CFAP144: variants seen among roughly 807,000 people sequenced by gnomAD.
CFAP144 encodes the protein cilia and flagella associated protein 144.
the CFAP144 span, among the ~76,000 whole-genome samples, chr1:43,153,296 T>C: frequency 6.6e-6 from 1 of 152,162 alleles, no homozygotes; most frequent in Non-Finnish European, 1.5e-5. Flanking sequence ...ATCTCTGAGT[T>C]CGGCTTCCTT....
the CFAP144 span, among the ~76,000 whole-genome samples, chr1:43,154,094 A>G: frequency 1.5e-5 from 2 of 132,370 alleles, no homozygotes; most frequent in Non-Finnish European, 3.1e-5. Context: ...ATATATATAT[A>G]TATATACTCT....
the CFAP144 span, among the ~76,000 whole-genome samples, chr1:43,145,965 G>A: frequency 6.6e-6 from 1 of 152,196 alleles, no homozygotes; most frequent in African/African-American, 2.4e-5. Context: ...CAGTAGCATA[G>A]CAGACCAGTG....
the CFAP144 span, chr1:43,145,198 A>G: frequency 6.9e-7 from 1 of 1,452,532 alleles, no homozygotes; most frequent in Non-Finnish European, 9.4e-7. Context: ...TGGCTTCTCC[A>G]CGGAACTTGG....
At chr1:43,143,965 A>G in the CFAP144 span, among the ~76,000 whole-genome samples, 2 of 152,224 alleles carry the variant, frequency 1.3e-5, no homozygotes, top group Non-Finnish European at 2.9e-5. Flanking sequence ...CACCGTCCTC[A>G]TGGTAAAATG....
At chr1:43,145,243 C>G in the CFAP144 span, 1 of 1,549,342 alleles carries the variant, frequency 6.5e-7, no homozygotes, top group Non-Finnish European at 8.7e-7. Flanking sequence ...GGGCCATTGA[C>G]AGAGAATGAA....
the CFAP144 span, among the ~76,000 whole-genome samples, chr1:43,152,494 G>A: frequency 0.012 from 1,837 of 152,240 alleles, 30 homozygotes; most frequent in African/African-American, 0.042. Context: ...TTCACAGTGT[G>A]TATCCCTGTC....
the CFAP144 span, among the ~76,000 whole-genome samples, chr1:43,156,025 T>C: frequency 1.2e-4 from 18 of 152,184 alleles, no homozygotes; most frequent in Non-Finnish European, 2.6e-4. Flanking sequence ...ACCACGACTG[T>C]GCGTAGGTTA....
At chr1:43,154,812 G>A in the CFAP144 span, among the ~76,000 whole-genome samples, 367 of 152,218 alleles carry the variant, frequency 2.4e-3, 1 homozygote, top group African/African-American at 8.1e-3. Context: ...TACAGCATGG[G>A]CAAGTGCGAC....
At chr1:43,151,273 A>G in the CFAP144 span, among the ~76,000 whole-genome samples, 1 of 152,176 alleles carries the variant, frequency 6.6e-6, no homozygotes, top group African/African-American at 2.4e-5. Context: ...AAGCAATACC[A>G]GTGCATAGAA....
At chr1:43,148,074 C>T in the CFAP144 span, 1 of 1,613,178 alleles carries the variant, frequency 6.2e-7, no homozygotes, top group Non-Finnish European at 8.5e-7. Flanking sequence ...ACGTGAATCC[C>T]CTCCGCAAGA....
the CFAP144 span, among the ~76,000 whole-genome samples, chr1:43,154,759 G>A: frequency 3.3e-5 from 5 of 152,158 alleles, no homozygotes; most frequent in Non-Finnish European, 7.4e-5. Context: ...CCACTATGAG[G>A]TTTTGCAGTG....
At chr1:43,156,271 C>A in the CFAP144 span, 3 of 1,613,912 alleles carry the variant, frequency 1.9e-6, no homozygotes, top group East Asian at 6.7e-5. Context: ...TCACTCTGTA[C>A]AAGGCTAAAA....
the CFAP144 span, among the ~76,000 whole-genome samples, chr1:43,154,781 G>A: frequency 6.6e-6 from 1 of 151,798 alleles, no homozygotes; most frequent in Non-Finnish European, 1.5e-5. Context: ...GGGAGGGAAA[G>A]AGCCTGGCCT....
the CFAP144 span, among the ~76,000 whole-genome samples, chr1:43,144,040 C>T: frequency 6.6e-6 from 1 of 152,208 alleles, no homozygotes; most frequent in Non-Finnish European, 1.5e-5. Context: ...GGGCTTTGAA[C>T]AGTGTTGTCA....
chr1:43,152,942 C>T, the CFAP144 span: 5 of 1,607,436 alleles, frequency 3.1e-6, no homozygotes, highest in Non-Finnish European at 4.3e-6. Context: ...GTAAGCGTGG[C>T]TCCTTCCTCA....
the CFAP144 span, among the ~76,000 whole-genome samples, chr1:43,153,268 T>C: frequency 6.6e-6 from 1 of 152,188 alleles, no homozygotes; most frequent in Non-Finnish European, 1.5e-5. Context: ...CAAGGTGGTC[T>C]TGGGTGTACC....
chr1:43,153,041 C>T, the CFAP144 span: 1 of 1,361,712 alleles, frequency 7.3e-7, no homozygotes, highest in Non-Finnish European at 1.0e-6. Context: ...ACCTGGCTAC[C>T]TCTTACCAGC....
At chr1:43,145,395 G>A in the CFAP144 span, 6 of 955,492 alleles carry the variant, frequency 6.3e-6, no homozygotes, top group Non-Finnish European at 9.9e-6. Context: ...GGGGACTTAG[G>A]TTTGTTTCCT....
the CFAP144 span, among the ~76,000 whole-genome samples, chr1:43,154,450 G>A: frequency 2.2e-5 from 3 of 138,060 alleles, no homozygotes; most frequent in East Asian, 2.1e-4. Flanking sequence ...ACATATATAC[G>A]CACCTACAAG....
Sources: gnomAD v4.1 joint callset for allele counts (sites outside exome capture counted in the v4.1 genomes callset) on GRCh38, gnomAD v4.1.1 for gene constraint, MANE v1.5 for transcripts, NCBI Gene and HGNC (gene_info 2026-07-23, HGNC 2026-07-21) for gene names.